The following ALK variants were observed in gnomAD, a reference collection of about 807,000 sequenced individuals.
ALK encodes the protein ALK receptor tyrosine kinase, also known as ALK tyrosine kinase receptor.
Under a neutral mutation model 163.1 loss-of-function variants are expected in ALK, and 74 were observed. The ratio of observed to expected loss-of-function variants is 0.45; its 90% CI spans 0.38 to 0.55. The LOEUF (loss-of-function observed/expected upper bound fraction) is 0.55, where lower values mean the gene tolerates loss of function less well. Ranked by LOEUF, ALK falls within the 20% of genes least tolerant of loss-of-function variation. The pLI, the probability that ALK is intolerant of heterozygous loss-of-function variation, is 0.00. For missense variants in ALK, 2,063 were observed against 2,105.3 expected (o/e 0.98, Z 0.39); for synonymous variants, 960 against 843.2 (o/e 1.14, Z -2.40).
chr2:29,332,072 G>A (rs1221809571), intron 5 of ALK, among the ~76,000 whole-genome samples: 1 of 151,636 alleles, frequency 6.6e-6, no homozygotes. Context: ...AGATCACAAG[G>A]TCAGGAGATC....
At chr2:29,260,489 C>G (rs888599226) in intron 11 of ALK, among the ~76,000 whole-genome samples, 3 of 152,074 alleles carry the variant, frequency 2.0e-5, no homozygotes, top group East Asian at 1.9e-4. Context: ...GGTTCAGGAG[C>G]TTTTTTATTT....
intron 1 of ALK, among the ~76,000 whole-genome samples, chr2:29,765,078 A>G (rs558757898): frequency 6.6e-6 from 1 of 152,260 alleles, no homozygotes; most frequent in East Asian, 1.9e-4. Flanking sequence ...TGCTATGATT[A>G]TAAGTTTCCT....
At chr2:29,344,405 T>C (rs1667887784) in intron 5 of ALK, among the ~76,000 whole-genome samples, 1 of 152,202 alleles carries the variant, frequency 6.6e-6, no homozygotes, top group African/African-American at 2.4e-5. Context: ...AGCGTCCTCC[T>C]TGGTCATGGA....
intron 8 of ALK, among the ~76,000 whole-genome samples, chr2:29,309,055 T>C (rs921356657): frequency 1.3e-5 from 2 of 152,142 alleles, no homozygotes; most frequent in Non-Finnish European, 2.9e-5. Context: ...TCTCTGTGTA[T>C]GATGGAGATG....
intron 11 of ALK, among the ~76,000 whole-genome samples, chr2:29,256,083 G>A (rs1420667005): frequency 6.6e-6 from 1 of 152,234 alleles, no homozygotes; most frequent in East Asian, 1.9e-4. Context: ...AAGTGTTGCT[G>A]AAGTGGAAGG....
intron 4 of ALK, among the ~76,000 whole-genome samples, chr2:29,408,066 T>C (rs1192469666): frequency 6.6e-6 from 1 of 150,684 alleles, no homozygotes; most frequent in East Asian, 1.9e-4. Flanking sequence ...TAGGCAAAGG[T>C]ACTCAGGGAA....
intron 3 of ALK, among the ~76,000 whole-genome samples, chr2:29,616,031 T>C (rs1675834515): frequency 6.6e-6 from 1 of 152,214 alleles, no homozygotes; most frequent in African/African-American, 2.4e-5. Context: ...CTCAAAGCCA[T>C]TTTATTAAGT....
At chr2:29,562,867 C>G (rs1271621645) in intron 3 of ALK, among the ~76,000 whole-genome samples, 1 of 152,188 alleles carries the variant, frequency 6.6e-6, no homozygotes. Flanking sequence ...GAGGGCTTAA[C>G]AGATTCGAAA....
At chr2:29,638,752 G>A (rs1339856773) in intron 3 of ALK, among the ~76,000 whole-genome samples, 3 of 152,222 alleles carry the variant, frequency 2.0e-5, no homozygotes, top group South Asian at 4.2e-4. Context: ...GCCTATTTGG[G>A]ATCAGAAGAC....
intron 1 of ALK, among the ~76,000 whole-genome samples, chr2:29,881,367 A>G (rs1427144307): frequency 2.6e-5 from 4 of 152,200 alleles, no homozygotes; most frequent in African/African-American, 9.6e-5. Context: ...ATCATTAATT[A>G]TGATCTTCCC....
intron 3 of ALK, among the ~76,000 whole-genome samples, chr2:29,577,465 A>C (rs563675910): frequency 3.5e-4 from 53 of 152,324 alleles, no homozygotes; most frequent in African/African-American, 1.3e-3. Flanking sequence ...GAATGTGTCT[A>C]ATTGCCTTAA....
chr2:29,817,689 C>G (rs1228732634), intron 1 of ALK, among the ~76,000 whole-genome samples: 3 of 152,192 alleles, frequency 2.0e-5, no homozygotes, highest in African/African-American at 7.2e-5. Context: ...CTCCATTCCT[C>G]TCTTCCTCCC....
intron 3 of ALK, among the ~76,000 whole-genome samples, chr2:29,678,112 T>C (rs1443638841): frequency 2.6e-5 from 4 of 152,052 alleles, no homozygotes; most frequent in Admixed American, 6.6e-5. Context: ...TAGTTTCCCT[T>C]ACAATCTTTT....
intron 26 of ALK, among the ~76,000 whole-genome samples, chr2:29,202,929 A>G (rs545876839): frequency 1.3e-5 from 2 of 152,348 alleles, no homozygotes; most frequent in South Asian, 4.1e-4. Context: ...ACTTAAAAAT[A>G]GGAGCGTTAG....
At chr2:29,580,373 C>T (rs959064881) in intron 3 of ALK, among the ~76,000 whole-genome samples, 12 of 152,284 alleles carry the variant, frequency 7.9e-5, no homozygotes, top group African/African-American at 2.9e-4. Context: ...CTTCGGTGTC[C>T]TCTCCCGCTC....
intron 3 of ALK, among the ~76,000 whole-genome samples, chr2:29,590,126 C>T (rs1225433516): frequency 1.3e-5 from 2 of 152,044 alleles, no homozygotes; most frequent in Admixed American, 6.6e-5. Context: ...TCTCCAGGGC[C>T]ATGGGAACGG....
chr2:29,672,070 T>A (rs1374204844), intron 3 of ALK, among the ~76,000 whole-genome samples: 2 of 142,918 alleles, frequency 1.4e-5, no homozygotes. Context: ...TTTTTTTTCA[T>A]TTGAATTAGA....
intron 1 of ALK, among the ~76,000 whole-genome samples, chr2:29,888,122 T>C (rs1319437916): frequency 1.3e-5 from 2 of 152,200 alleles, no homozygotes; most frequent in Non-Finnish European, 2.9e-5. Flanking sequence ...ACTCAGCTAG[T>C]TGCTAACTAG....
chr2:29,317,248 A>G (rs1293418207), intron 8 of ALK, among the ~76,000 whole-genome samples: 3 of 152,258 alleles, frequency 2.0e-5, no homozygotes, highest in African/African-American at 7.2e-5. Flanking sequence ...CAGAGGGTGC[A>G]TAGCTATTCC....
Sources: allele counts gnomAD v4.1 joint callset (sites outside exome capture counted in the v4.1 genomes callset), GRCh38; gene constraint gnomAD v4.1.1; transcripts MANE v1.5; gene names NCBI Gene and HGNC (gene_info 2026-07-23, HGNC 2026-07-21).